Variants in PLCB4 observed in about 807,000 individuals in gnomAD.
PLCB4 encodes the protein phospholipase C beta 4.
In PLCB4, 77 loss-of-function variants were observed where a neutral mutation model predicts 178.8. The ratio of observed to expected loss-of-function variants is 0.43; its 90% CI spans 0.36 to 0.52. The LOEUF is 0.52. Ranked by LOEUF, PLCB4 falls within the 20% of genes least tolerant of loss-of-function variation. The probability of loss-of-function intolerance (pLI) is 0.00; values close to 1 mark genes in which losing one functional copy is unlikely to be tolerated. For missense variants in PLCB4, 1,024 were observed against 1,453.4 expected (o/e 0.70, Z 4.80); for synonymous variants, 496 against 490.8 (o/e 1.01, Z -0.14).
intron 1 of PLCB4, among the ~76,000 whole-genome samples, chr20:9,090,513 T>G (rs894343123): frequency 2.8e-3 from 96 of 33,970 alleles, no homozygotes; most frequent in African/African-American, 8.0e-3. Context: ...TTTTAGTGTG[T>G]TTTTTTTTTT....
At chr20:9,456,372 G>A (rs1456393676) in intron 33 of PLCB4, among the ~76,000 whole-genome samples, 2 of 152,270 alleles carry the variant, frequency 1.3e-5, no homozygotes, top group Non-Finnish European at 2.9e-5. Context: ...GGATCTTTAA[G>A]GTGATGGTAA....
chr20:9,339,734 T>C (rs892078952), intron 7 of PLCB4, among the ~76,000 whole-genome samples: 4 of 152,136 alleles, frequency 2.6e-5, no homozygotes, highest in East Asian at 1.9e-4. Flanking sequence ...ATGGCCACCA[T>C]ACTGGGTGGG....
chr20:9,170,268 G>T (rs2093041935), intron 2 of PLCB4, among the ~76,000 whole-genome samples: 1 of 152,196 alleles, frequency 6.6e-6, no homozygotes, highest in Admixed American at 6.5e-5. Context: ...ACTTAGGAAT[G>T]CATGTTGTAC....
chr20:9,468,685 G>T lies in PLCB4; in HGVS notation c.3350+13G>T. On this transcript the variant is annotated intron_variant, in intron 36 of 39. Coordinates refer to ENST00000378473, the MANE Select transcript of PLCB4 (RefSeq NM_001377142.1). ...CAGAACGGGAAAGGTAAGTCTGAGA[G>T]TGTTCACTGCAGGAATATGGCATTG... 7.0e-7 allele frequency: 1 copy of T among 1,430,342 alleles called. No homozygotes were observed. Among genetic ancestry groups the T allele is most frequent in the Non-Finnish European group, 9.9e-7 (1 of 1,012,882 alleles). 88.6% of individuals were successfully genotyped at this position (1,430,342 alleles called of 1,614,324 possible). A position where few individuals can be genotyped will look rare whatever the true frequency, so the allele number is the denominator to read the frequency against.
chr20:9,312,396 A>ACACACACACG (rs1491216249), intron 4 of PLCB4, among the ~76,000 whole-genome samples: 1 of 146,516 alleles, frequency 6.8e-6, no homozygotes, highest in African/African-American at 2.6e-5. Context: ...ACACACACAC[A>ACACACACACG]CGCACGCACT....
At chr20:9,430,886 C>T (rs1891280913) in intron 28 of PLCB4, among the ~76,000 whole-genome samples, 1 of 152,204 alleles carries the variant, frequency 6.6e-6, no homozygotes, top group African/African-American at 2.4e-5. Flanking sequence ...ATAAAGCCTG[C>T]CTTGTACACT....
At chr20:9,462,981 T>C (rs902831244) in intron 35 of PLCB4, among the ~76,000 whole-genome samples, 4 of 152,110 alleles carry the variant, frequency 2.6e-5, no homozygotes, top group African/African-American at 9.7e-5. Flanking sequence ...TCACCAAGGT[T>C]GAAATGATGG....
intron 3 of PLCB4, among the ~76,000 whole-genome samples, chr20:9,227,272 T>G (rs970441520): frequency 6.6e-6 from 1 of 152,136 alleles, no homozygotes; most frequent in African/African-American, 2.4e-5. Flanking sequence ...TTCATTTTCT[T>G]GATAACATCT....
chr20:9,270,026 A>G (rs983736995), intron 3 of PLCB4, among the ~76,000 whole-genome samples: 5 of 152,136 alleles, frequency 3.3e-5, no homozygotes, highest in Admixed American at 3.3e-4. Context: ...GGTTGGCAAT[A>G]TACAGACAAT....
chr20:9,424,896 T>G (rs1020815567), intron 28 of PLCB4, among the ~76,000 whole-genome samples: 1 of 152,164 alleles, frequency 6.6e-6, no homozygotes, highest in Non-Finnish European at 1.5e-5. Flanking sequence ...TGTTTGTTTT[T>G]AGTAGTGCAT....
chr20:9,167,977 A>C (rs118018191), intron 2 of PLCB4, among the ~76,000 whole-genome samples: 1 of 152,200 alleles, frequency 6.6e-6, no homozygotes, highest in African/African-American at 2.4e-5. Flanking sequence ...GCAACATTCT[A>C]TGGCAATTTT....
intron 2 of PLCB4, among the ~76,000 whole-genome samples, chr20:9,098,350 C>G (rs1056910491): frequency 5.9e-5 from 9 of 152,108 alleles, no homozygotes; most frequent in African/African-American, 2.2e-4. Context: ...AAATCATCTG[C>G]ATCACGTATC....
chr20:9,459,367 A>AAAC, intron 34 of PLCB4, among the ~76,000 whole-genome samples: 1 of 147,526 alleles, frequency 6.8e-6, no homozygotes, highest in Non-Finnish European at 1.5e-5. Flanking sequence ...AACAAACAAA[A>AAAC]AACAAAACAG....
intron 3 of PLCB4, among the ~76,000 whole-genome samples, chr20:9,223,440 AG>A: frequency 6.6e-6 from 1 of 152,214 alleles, no homozygotes; most frequent in South Asian, 2.1e-4. Context: ...TTCTGTGGTC[AG>A]GAGTTAGGGA....
In PLCB4 at chr20:9,272,997, G is replaced by T. The variant is rs907574533; in HGVS notation, c.-15-34803G>T. 2.2e-4 allele frequency among the ~76,000 whole-genome samples: 33 copies of T among 151,706 alleles called. 1 individual carries two copies. Among genetic ancestry groups the T allele is most frequent in the Non-Finnish European group, 8.8e-5 (6 of 67,978 alleles). On this transcript the variant is annotated intron_variant, in intron 3 of 39. Coordinates refer to ENST00000378473, the MANE Select transcript of PLCB4 (RefSeq NM_001377142.1). ...GAAAATACTTTAAAGTTACACAGGA[G>T]AAAATATATCCATGTAATTCAGAGG...
chr20:9,367,864 C>G (rs1410189076), intron 9 of PLCB4, among the ~76,000 whole-genome samples: 2 of 152,126 alleles, frequency 1.3e-5, no homozygotes, highest in African/African-American at 2.4e-5. Context: ...ATTTTGGCAT[C>G]TTCTTTAGCT....
At chr20:9,289,731 A>G (rs1224472971) in intron 3 of PLCB4, among the ~76,000 whole-genome samples, 3 of 152,066 alleles carry the variant, frequency 2.0e-5, no homozygotes. Context: ...AAGGTCAGAC[A>G]ATGAGGGTGT....
Position 9,208,805 on chromosome 20 carries a change from T to G in PLCB4, c.-78-8585T>G, listed in dbSNP as rs150376117. Among the ~76,000 whole-genome samples, 5 of 152,314 alleles carry G rather than the reference T, an allele frequency of 3.3e-5. No homozygotes were observed. The East Asian group carries it at 9.6e-4, about 29-fold the overall frequency. ...GTCCTCCCATCTTGGCATTCCAAAG[T>G]GTTGGGATTACAGGCGTGAGCCACC... On this transcript the variant is annotated intron_variant, in intron 2 of 39. Transcript: ENST00000378473.
At chr20:9,318,390 C>A (rs1016372508) in intron 4 of PLCB4, among the ~76,000 whole-genome samples, 1 of 151,552 alleles carries the variant, frequency 6.6e-6, no homozygotes, top group Non-Finnish European at 1.5e-5. Flanking sequence ...GTTGGCAAGT[C>A]CAGGTGGGTC....
Sources: gnomAD v4.1 joint callset for allele counts (sites outside exome capture counted in the v4.1 genomes callset) on GRCh38, gnomAD v4.1.1 for gene constraint, MANE v1.5 for transcripts, NCBI Gene and HGNC (gene_info 2026-07-23, HGNC 2026-07-21) for gene names.